WWOX: variants seen among roughly 807,000 people sequenced by gnomAD.
WWOX encodes WW domain-containing oxidoreductase.
A neutral mutation model predicts 46.2 loss-of-function variants in WWOX; 69 were observed. The ratio of observed to expected loss-of-function variants is 1.49; its 90% CI spans 1.23 to 1.82. The LOEUF (loss-of-function observed/expected upper bound fraction) is 1.82, where lower values mean the gene tolerates loss of function less well. WWOX is among the 40% of genes most tolerant of loss of function. The pLI is 0.00. For synonymous variants in WWOX, 359 were observed against 202.6 expected (o/e 1.77, Z -6.56); for missense variants, 919 against 542.6 (o/e 1.69, Z -6.89).
intron 8 of WWOX, among the ~76,000 whole-genome samples, chr16:78,667,692 AAGAT>A (rs1281671294): frequency 6.6e-6 from 1 of 151,118 alleles, no homozygotes; most frequent in South Asian, 2.1e-4. Context: ...AAAAAAAAAA[AAGAT>A]AATGATGAAA....
intron 8 of WWOX, among the ~76,000 whole-genome samples, chr16:79,076,545 T>C (rs956906131): frequency 6.6e-6 from 1 of 152,228 alleles, no homozygotes; most frequent in African/African-American, 2.4e-5. Context: ...CCATCTAAGC[T>C]AACTCTCCGA....
chr16:78,577,092 G>A (rs1490898796), intron 8 of WWOX, among the ~76,000 whole-genome samples: 3 of 152,108 alleles, frequency 2.0e-5, no homozygotes, highest in Non-Finnish European at 4.4e-5. Context: ...TCATGAATTG[G>A]GGAACATTCT....
chr16:78,577,560 C>G (rs552812735), intron 8 of WWOX, among the ~76,000 whole-genome samples: 21 of 152,282 alleles, frequency 1.4e-4, no homozygotes, highest in African/African-American at 3.9e-4. Context: ...CCAAACCATT[C>G]CACTTCCTAG....
intron 5 of WWOX, among the ~76,000 whole-genome samples, chr16:78,367,413 AT>A (rs59070837): frequency 0.92 from 139,672 of 151,906 alleles, 64,520 homozygotes; most frequent in African/African-American, 0.97. Context: ...ATTTTTTGCC[AT>A]TTTTTTTTCA....
At chr16:78,937,376 A>G (rs1285886019) in intron 8 of WWOX, among the ~76,000 whole-genome samples, 2 of 145,012 alleles carry the variant, frequency 1.4e-5, no homozygotes, top group African/African-American at 2.6e-5. Flanking sequence ...TTCTTTGAGT[A>G]TGTGTTTTCT....
chr16:78,442,877 C>G lies in WWOX; in HGVS notation c.1056+10125C>G, dbSNP rs368312292. Among the ~76,000 whole-genome samples, 10 of 152,108 alleles carry G rather than the reference C, an allele frequency of 6.6e-5. No individual in the cohort carries two copies. The South Asian group carries it at 2.1e-3, about 32-fold the overall frequency. ...GTGGCTCATGCCTGTAATCCCAGCA[C>G]TTTGGGAGGCCGAGCCGGGCGAATC... On this transcript the variant is annotated intron_variant, in intron 8 of 8. Transcript: ENST00000566780.
rs139203860 is a variant in WWOX at position 78,721,410 on chromosome 16, G to T, written c.1056+288658G>T. Among the ~76,000 whole-genome samples the T allele has an allele frequency of 1.7e-3, 255 of 152,102 alleles. 9 individuals carry two copies. The East Asian group carries it at 0.046, about 28-fold the overall frequency. On this transcript the variant is annotated intron_variant, in intron 8 of 8. Transcript: ENST00000566780. Reference sequence around the variant, plus strand: ...TGTAGTGACAACAATTATTCTTATTGTATGAACATATTGTCGGCTGGAGAG... The same window carrying T: ...TGTAGTGACAACAATTATTCTTATTTTATGAACATATTGTCGGCTGGAGAG...
intron 8 of WWOX, among the ~76,000 whole-genome samples, chr16:79,001,450 G>C (rs1189056711): frequency 6.6e-6 from 1 of 152,200 alleles, no homozygotes; most frequent in Non-Finnish European, 1.5e-5. Context: ...TTGGTGCCAA[G>C]CTAAATTTGT....
At chr16:78,571,127 A>G (rs2044706198) in intron 8 of WWOX, among the ~76,000 whole-genome samples, 1 of 152,230 alleles carries the variant, frequency 6.6e-6, no homozygotes, top group Non-Finnish European at 1.5e-5. Context: ...TTACAGTAGA[A>G]GAGAAATGTA....
chr16:79,033,409 C>A (rs969620227), intron 8 of WWOX, among the ~76,000 whole-genome samples: 1 of 150,934 alleles, frequency 6.6e-6, no homozygotes, highest in East Asian at 1.9e-4. Flanking sequence ...TTTTTTAAGG[C>A]TGCATAGTAT....
At chr16:78,600,307 C>A (rs1190945950) in intron 8 of WWOX, among the ~76,000 whole-genome samples, 1 of 151,876 alleles carries the variant, frequency 6.6e-6, no homozygotes. Context: ...CTGTAGGTTA[C>A]CGTAAATAAG....
At chr16:78,577,076 G>A (rs769584283) in intron 8 of WWOX, among the ~76,000 whole-genome samples, 6 of 152,190 alleles carry the variant, frequency 3.9e-5, no homozygotes, top group Non-Finnish European at 7.3e-5. Flanking sequence ...CAGGTTGAAA[G>A]TTGAGTCATG....
At chr16:78,910,936 C>G (rs928807420) in intron 8 of WWOX, among the ~76,000 whole-genome samples, 6 of 151,876 alleles carry the variant, frequency 4.0e-5, no homozygotes, top group African/African-American at 1.2e-4. Flanking sequence ...TCAATTTAGC[C>G]TTTCCATCAT....
intron 8 of WWOX, among the ~76,000 whole-genome samples, chr16:78,933,906 C>G (rs972121332): frequency 2.0e-5 from 3 of 151,998 alleles, no homozygotes; most frequent in African/African-American, 4.8e-5. Context: ...CAAAACATAA[C>G]TATAGCTGGG....
At chr16:78,491,487 C>G (rs1180905774) in intron 8 of WWOX, among the ~76,000 whole-genome samples, 1 of 152,018 alleles carries the variant, frequency 6.6e-6, no homozygotes, top group Admixed American at 6.6e-5. Context: ...TTTTTTGAGA[C>G]AGGGTTTTGC....
At chr16:79,127,374 T>C (rs993071160) in intron 8 of WWOX, among the ~76,000 whole-genome samples, 9 of 152,202 alleles carry the variant, frequency 5.9e-5, no homozygotes, top group African/African-American at 2.2e-4. Flanking sequence ...CACTTTGCTA[T>C]ACACACCTTG....
rs552524191 is a variant in WWOX at position 78,694,083 on chromosome 16, T to C, written c.1056+261331T>C. Among the ~76,000 whole-genome samples, 4 of 152,144 alleles carry C rather than the reference T, an allele frequency of 2.6e-5. No homozygotes were observed. The South Asian group carries it at 8.3e-4, about 32-fold the overall frequency. On this transcript the variant is annotated intron_variant, in intron 8 of 8. Coordinates refer to ENST00000566780, the MANE Select transcript of WWOX (RefSeq NM_016373.4). Reference sequence around the variant, plus strand: ...CCTGTTTCTACTAAAAATATAAAAATTACCTAGGCGTGGTAGTGTGTGCAT... The same window carrying C: ...CCTGTTTCTACTAAAAATATAAAAACTACCTAGGCGTGGTAGTGTGTGCAT...
chr16:78,762,231 G>T (rs1010601377), intron 8 of WWOX, among the ~76,000 whole-genome samples: 1 of 152,190 alleles, frequency 6.6e-6, no homozygotes, highest in East Asian at 1.9e-4. Flanking sequence ...TACAGCAGCT[G>T]TGTCTTAAGA....
At chr16:78,332,535 C>T (rs938012983) in intron 5 of WWOX, among the ~76,000 whole-genome samples, 2 of 152,128 alleles carry the variant, frequency 1.3e-5, no homozygotes, top group African/African-American at 4.8e-5. Flanking sequence ...AAGGCTTATT[C>T]CATTTGCTCA....
Sources: gnomAD v4.1 joint callset for allele counts (sites outside exome capture counted in the v4.1 genomes callset) on GRCh38, gnomAD v4.1.1 for gene constraint, MANE v1.5 for transcripts, NCBI Gene and HGNC (gene_info 2026-07-23, HGNC 2026-07-21) for gene names.